Variants in SIM1 observed in about 807,000 individuals in gnomAD.
SIM1 encodes the protein SIM bHLH transcription factor 1.
Under a neutral mutation model 78.2 loss-of-function variants are expected in SIM1, and 18 were observed. The observed-to-expected ratio is 0.23, with a 90% CI of 0.16 to 0.34. The LOEUF (loss-of-function observed/expected upper bound fraction) is 0.34. Among genes scored for constraint, SIM1 ranks in the 10% least tolerant of loss-of-function variants. The probability of loss-of-function intolerance (pLI) is 1.00; values close to 1 mark genes in which losing one functional copy is unlikely to be tolerated. For missense variants in SIM1, 939 were observed against 975.1 expected (o/e 0.96, Z 0.49); for synonymous variants, 417 against 385.2 (o/e 1.08, Z -0.97).
At chr6:100,423,300 T>A (rs190247907) in intron 9 of SIM1, among the ~76,000 whole-genome samples, 352 of 152,358 alleles carry the variant, frequency 2.3e-3, no homozygotes, top group Non-Finnish European at 3.9e-3. Flanking sequence ...AAAACTCTTC[T>A]TAACTCCCAC....
chr6:100,461,841 C>CTTTTTTTTTTTTTTTTTTTTTTTTT (rs10522700), intron 2 of SIM1, among the ~76,000 whole-genome samples: 2 of 113,354 alleles, frequency 1.8e-5, no homozygotes, highest in African/African-American at 7.1e-5. Flanking sequence ...TTCTTTCTTT[C>CTTTTTTTTTTTTTTTTTTTTTTTTT]TTTTTTTTTT....
chr6:100,463,851 C>G lies in SIM1; in HGVS notation c.-383G>C, dbSNP rs963925803. The G allele has an allele frequency of 1.7e-5, 3 of 176,658 alleles. No homozygotes were observed. The highest frequency in any genetic ancestry group is 2.4e-5 in the Non-Finnish European group (2 of 82,652). 10.9% of individuals were successfully genotyped at this position (176,658 alleles called of 1,614,324 possible). On this transcript the variant is annotated 5_prime_UTR_variant, in exon 2 of 12. Transcript: ENST00000369208. ...GGAAAATCGACATAATAATCCCTGA[C>G]GTTTGCTCTTCAGTCTCGCGGCATT...
At chr6:100,458,014 C>T (rs201889467) in intron 2 of SIM1, among the ~76,000 whole-genome samples, 4 of 8,762 alleles carry the variant, frequency 4.6e-4, no homozygotes, top group African/African-American at 1.1e-3. Context: ...CTTTCTCTCT[C>T]TCTCTCTCTC....
intron 3 of SIM1, among the ~76,000 whole-genome samples, chr6:100,452,242 A>G (rs1234410662): frequency 2.6e-5 from 4 of 152,138 alleles, no homozygotes; most frequent in Non-Finnish European, 4.4e-5. Context: ...ACCATCTCTT[A>G]TTTTAAAAGG....
chr6:100,435,663 A>T (rs146626047), intron 9 of SIM1, among the ~76,000 whole-genome samples: 2,067 of 152,340 alleles, frequency 0.014, 49 homozygotes, highest in African/African-American at 0.044. Context: ...GAAGCAAAAA[A>T]AATTATAAAC....
intron 10 of SIM1, among the ~76,000 whole-genome samples, chr6:100,416,132 C>A (rs950318955): frequency 2.0e-5 from 3 of 151,950 alleles, no homozygotes; most frequent in Non-Finnish European, 4.4e-5. Context: ...AACTCTTAGT[C>A]TGTAAGACAG....
At chr6:100,412,743 G>C (rs1243297372) in intron 10 of SIM1, among the ~76,000 whole-genome samples, 1 of 129,948 alleles carries the variant, frequency 7.7e-6, no homozygotes, top group African/African-American at 2.9e-5. Flanking sequence ...AAGAAAGAAA[G>C]AAAGAAAGAA....
intron 9 of SIM1, among the ~76,000 whole-genome samples, chr6:100,438,961 G>T (rs186824185): frequency 6.6e-6 from 1 of 152,278 alleles, no homozygotes; most frequent in Non-Finnish European, 1.5e-5. Flanking sequence ...GCTTCCAGGG[G>T]AAAGGTTGTG....
intron 10 of SIM1, among the ~76,000 whole-genome samples, chr6:100,407,596 C>T (rs754904319): frequency 1.3e-5 from 2 of 152,110 alleles, no homozygotes; most frequent in Admixed American, 1.3e-4. Flanking sequence ...TTCTGCACAT[C>T]TTTGTCAACA....
intron 10 of SIM1, among the ~76,000 whole-genome samples, chr6:100,412,401 G>A (rs1162839258): frequency 6.6e-6 from 1 of 151,460 alleles, no homozygotes; most frequent in African/African-American, 2.4e-5. Flanking sequence ...GCCAGCCGTG[G>A]TGGTGGGCGC....
intron 3 of SIM1, among the ~76,000 whole-genome samples, chr6:100,453,475 C>T (rs892513976): frequency 1.3e-5 from 2 of 152,100 alleles, no homozygotes; most frequent in African/African-American, 4.8e-5. Context: ...AATGGTGCCC[C>T]CTCCCTTGGT....
At chr6:100,419,931 G>A (rs907966222) in intron 10 of SIM1, among the ~76,000 whole-genome samples, 5 of 152,184 alleles carry the variant, frequency 3.3e-5, no homozygotes, top group East Asian at 1.9e-4. Context: ...ACAAGTCACC[G>A]TGCCCAGCCT....
intron 10 of SIM1, among the ~76,000 whole-genome samples, chr6:100,414,700 A>G (rs994496307): frequency 1.2e-4 from 18 of 152,346 alleles, no homozygotes; most frequent in African/African-American, 4.3e-4. Flanking sequence ...ACATGAAATG[A>G]AGGAATAGCT....
At chr6:100,449,479 T>C (rs759044756) in intron 5 of SIM1, 31 bp from the exon 6 acceptor site, 1 of 1,601,072 alleles carries the variant, frequency 6.2e-7, no homozygotes. Flanking sequence ...GAAGCTCAGG[T>C]CGTGTGACAC....
chr6:100,394,197 T>C (rs1770716127), intron 10 of SIM1, among the ~76,000 whole-genome samples: 1 of 152,184 alleles, frequency 6.6e-6, no homozygotes, highest in African/African-American at 2.4e-5. Flanking sequence ...ACTATCCACT[T>C]AGCTCCTGCA....
intron 10 of SIM1, among the ~76,000 whole-genome samples, chr6:100,405,596 A>G (rs368471674): frequency 6.6e-6 from 1 of 152,134 alleles, no homozygotes. Flanking sequence ...TATTTAGCTC[A>G]AAAACATATT....
chr6:100,412,567 G>GAA (rs1345222882), intron 10 of SIM1, among the ~76,000 whole-genome samples: 6 of 65,318 alleles, frequency 9.2e-5, no homozygotes, highest in East Asian at 1.5e-3. Flanking sequence ...AAGAAAGAAA[G>GAA]AAAGAAAGAA....
intron 9 of SIM1, among the ~76,000 whole-genome samples, chr6:100,444,296 C>G (rs772347215): frequency 5.3e-5 from 8 of 152,146 alleles, no homozygotes; most frequent in African/African-American, 1.9e-4. Flanking sequence ...TTCACCTACC[C>G]TCTTGAAAAT....
chr6:100,414,932 T>C (rs1284335041), intron 10 of SIM1, among the ~76,000 whole-genome samples: 1 of 152,248 alleles, frequency 6.6e-6, no homozygotes, highest in Non-Finnish European at 1.5e-5. Context: ...TTATTTAAGG[T>C]AACAGATGTG....
Sources: gnomAD v4.1 joint callset for allele counts (sites outside exome capture counted in the v4.1 genomes callset) on GRCh38, gnomAD v4.1.1 for gene constraint, MANE v1.5 for transcripts, NCBI Gene and HGNC (gene_info 2026-07-23, HGNC 2026-07-21) for gene names.